NCOA2: variants seen among roughly 807,000 people sequenced by gnomAD.
NCOA2 encodes the protein nuclear receptor coactivator 2, also known as class E basic helix-loop-helix protein 75.
A neutral mutation model predicts 145.1 loss-of-function variants in NCOA2; 21 were observed. That is an observed-to-expected ratio of 0.14 (90% confidence interval 0.10 to 0.21). The LOEUF (loss-of-function observed/expected upper bound fraction) is 0.21, where lower values mean the gene tolerates loss of function less well. Among genes scored for constraint, NCOA2 ranks in the 10% least tolerant of loss-of-function variants. The probability of loss-of-function intolerance (pLI) is 1.00; values close to 1 mark genes in which losing one functional copy is unlikely to be tolerated. For missense variants in NCOA2, 1,472 were observed against 1,837.6 expected (o/e 0.80, Z 3.64); for synonymous variants, 619 against 637.5 (o/e 0.97, Z 0.44).
intron 2 of NCOA2, among the ~76,000 whole-genome samples, chr8:70,287,412 G>C (rs1244087121): frequency 7.2e-5 from 11 of 152,062 alleles, no homozygotes. Context: ...ATTTGCTTTA[G>C]AATTGAAAAC....
intron 4 of NCOA2, among the ~76,000 whole-genome samples, chr8:70,211,036 T>G (rs968836502): frequency 1.3e-5 from 2 of 152,190 alleles, no homozygotes; most frequent in African/African-American, 4.8e-5. Flanking sequence ...GAGAAAGGCT[T>G]TGGCCTGACT....
intron 1 of NCOA2, among the ~76,000 whole-genome samples, chr8:70,372,954 T>C (rs1020648369): frequency 3.3e-5 from 5 of 152,236 alleles, no homozygotes; most frequent in Admixed American, 2.6e-4. Flanking sequence ...TTTGTTCTTT[T>C]TTATTGCTAA....
chr8:70,336,722 T>C (rs1807630975), intron 1 of NCOA2, among the ~76,000 whole-genome samples: 2 of 152,278 alleles, frequency 1.3e-5, no homozygotes, highest in Non-Finnish European at 1.5e-5. Flanking sequence ...ACCCCCATGA[T>C]ACAATCCCCT....
Position 70,399,414 on chromosome 8 carries a change from T to TTTA in NCOA2, c.-77+4285_-77+4286insTAA, listed in dbSNP as rs139483341. ...AGGTTTTGTTCCATTTTCCCTTAAA[T>TTTA]GGCTTTCATTTTTGGTATGAACTAT... is the stretch of plus-strand genomic sequence containing the variant. On this transcript the variant is annotated intron_variant, in intron 1 of 22. Coordinates refer to ENST00000452400, the MANE Select transcript of NCOA2 (RefSeq NM_006540.4). Among the ~76,000 whole-genome samples the TTTA allele has an allele frequency of 9.6e-3, 1,467 of 152,304 alleles. 25 individuals carry two copies. The highest frequency in any genetic ancestry group is 0.034 in the African/African-American group (1,423 of 41,554).
At chr8:70,249,981 AAG>A (rs1363758597) in intron 2 of NCOA2, among the ~76,000 whole-genome samples, 29 of 105,438 alleles carry the variant, frequency 2.8e-4, no homozygotes, top group African/African-American at 9.4e-4. Flanking sequence ...AAAAAAAAAG[AAG>A]AAGAAGAAGA....
At chr8:70,225,023 C>CG (rs1820490772) in intron 2 of NCOA2, among the ~76,000 whole-genome samples, 1 of 152,126 alleles carries the variant, frequency 6.6e-6, no homozygotes, top group Admixed American at 6.5e-5. Flanking sequence ...CCGAGACTCT[C>CG]AGACAGCGGC....
chr8:70,207,880 A>G lies in NCOA2; in HGVS notation c.259+6023T>C, dbSNP rs1321362994. On this transcript the variant is annotated intron_variant, in intron 4 of 22. Transcript: ENST00000452400. ...TCCACCTCAAAAAAAAAAAAAAAAA[A>G]AAAAAAGAAGAAGAAGAAGAAGAAA... 7.3e-5 allele frequency among the ~76,000 whole-genome samples: 11 copies of G among 150,410 alleles called. 1 individual carries two copies. The South Asian group carries it at 2.3e-3, about 32-fold the overall frequency.
rs754592843 is a variant in NCOA2 at position 70,131,971 on chromosome 8, G to A, written c.3190C>T (p.Leu1064=). 3.7e-6 allele frequency: 6 copies of A among 1,612,404 alleles called. No homozygotes were observed. The Admixed American group carries it at 6.7e-5, about 18-fold the overall frequency. The change falls in exon 16 of 23, where the codon CTA becomes TTA. Residue 1064 remains leucine, a synonymous_variant. Transcript: ENST00000452400. The part of the protein sequence containing the change: ...QPFGSSPDDL[L]CPHPAAESPS... ...GACTCAGCTGCAGGATGTGGACATA[G>A]CAAGTCATCTGGAGAACTGCCAAAT...
intron 1 of NCOA2, among the ~76,000 whole-genome samples, chr8:70,323,295 G>A (rs921148571): frequency 2.0e-5 from 3 of 152,184 alleles, no homozygotes; most frequent in Non-Finnish European, 4.4e-5. Context: ...AATGTAGTAT[G>A]TTTTAGTATA....
chr8:70,133,430 G>A (rs1385735082), intron 15 of NCOA2, among the ~76,000 whole-genome samples: 1 of 151,822 alleles, frequency 6.6e-6, no homozygotes, highest in African/African-American at 2.4e-5. Flanking sequence ...TTGCTACATT[G>A]CCCAGGCTGG....
chr8:70,231,485 G>A (rs76142310), intron 2 of NCOA2, among the ~76,000 whole-genome samples: 3,367 of 152,296 alleles, frequency 0.022, 151 homozygotes, highest in African/African-American at 0.077. Context: ...ATCACCCAAG[G>A]AGCTTTTGAA....
chr8:70,323,029 A>C (rs554554404), intron 1 of NCOA2, among the ~76,000 whole-genome samples: 1 of 152,322 alleles, frequency 6.6e-6, no homozygotes, highest in Admixed American at 6.5e-5. Context: ...AGAGGCAAGC[A>C]GGTATTTCCC....
intron 4 of NCOA2, among the ~76,000 whole-genome samples, chr8:70,183,480 C>T (rs959021375): frequency 2.6e-5 from 4 of 152,132 alleles, no homozygotes; most frequent in Non-Finnish European, 5.9e-5. Context: ...CTTAGTTGTG[C>T]AACTTTTAAA....
At chr8:70,283,167 G>A (rs764990210) in intron 2 of NCOA2, among the ~76,000 whole-genome samples, 1 of 152,166 alleles carries the variant, frequency 6.6e-6, no homozygotes, top group Non-Finnish European at 1.5e-5. Context: ...GTTTATCCAC[G>A]AAATTGAAGA....
At chr8:70,287,253 A>G (rs1826301361) in intron 2 of NCOA2, among the ~76,000 whole-genome samples, 1 of 145,760 alleles carries the variant, frequency 6.9e-6, no homozygotes, top group African/African-American at 2.8e-5. Context: ...CAAAAAATAT[A>G]TTAATTAATT....
chr8:70,414,343 GT>G, the NCOA2 span, among the ~76,000 whole-genome samples: 1 of 151,994 alleles, frequency 6.6e-6, no homozygotes, highest in Non-Finnish European at 1.5e-5. Flanking sequence ...CTTTGCAGCT[GT>G]TTCTCTCCCT....
chr8:70,180,564 A>G (rs1430523751), intron 4 of NCOA2, among the ~76,000 whole-genome samples: 1 of 152,246 alleles, frequency 6.6e-6, no homozygotes, highest in Non-Finnish European at 1.5e-5. Flanking sequence ...TTAGAACAAA[A>G]GAAAAGGTGA....
At chr8:70,419,998 G>A in the NCOA2 span, among the ~76,000 whole-genome samples, 2 of 152,160 alleles carry the variant, frequency 1.3e-5, no homozygotes, top group South Asian at 2.1e-4. Context: ...TCTGGCAAGC[G>A]TATATGTCAC....
At chr8:70,425,795 T>A in the NCOA2 span, among the ~76,000 whole-genome samples, 3 of 152,158 alleles carry the variant, frequency 2.0e-5, no homozygotes, top group South Asian at 4.1e-4. Flanking sequence ...CCCCATACCC[T>A]CCCCACTGGC....
Sources: allele counts gnomAD v4.1 joint callset (sites outside exome capture counted in the v4.1 genomes callset), GRCh38; gene constraint gnomAD v4.1.1; transcripts MANE v1.5; gene names NCBI Gene and HGNC (gene_info 2026-07-23, HGNC 2026-07-21).